Variants in UBXN6 observed in about 807,000 individuals in gnomAD.
UBXN6 encodes the protein UBX domain-containing protein 6.
A neutral mutation model predicts 51.4 loss-of-function variants in UBXN6; 44 were observed. That is an observed-to-expected ratio of 0.86 (90% confidence interval 0.67 to 1.10). UBXN6 has a LOEUF of 1.10. UBXN6 is among the 50% of genes least tolerant of loss of function. The pLI, the probability that UBXN6 is intolerant of heterozygous loss-of-function variation, is 0.00. For synonymous variants in UBXN6, 316 were observed against 263.2 expected (o/e 1.20, Z -1.94); for missense variants, 672 against 596.1 (o/e 1.13, Z -1.32).
chr19:4,453,226 T>C lies in UBXN6; in HGVS notation c.312+232A>G, dbSNP rs566680639. The stretch of plus-strand genomic sequence containing the variant: ...TTAAGGGGTTAAGGGGAGGGAGCGA[T>C]GGGCTCGTGTACCTGAGGCCCACTT... On this transcript the variant is annotated intron_variant, in intron 3 of 10. Transcript: ENST00000301281. 6.3e-4 allele frequency among the ~76,000 whole-genome samples: 96 copies of C among 152,298 alleles called. 2 individuals are homozygous for C. In the South Asian group the frequency reaches 0.01, roughly 16 times the overall value.
chr19:4,454,084 G>C lies in UBXN6; in HGVS notation c.93C>G (p.Ala31=). ...QKLKESVGEK[A]HKEKPNQPAP... ...CTGGCTGGTTGGGCTTCTCTTTGTG[G>C]GCCTTTTCCCTGGGAACAGACCGAG... Residue 31 remains alanine, a synonymous_variant, in exon 2 of 11, where the codon GCC becomes GCG. Coordinates refer to ENST00000301281, the MANE Select transcript of UBXN6 (RefSeq NM_025241.3). 6.4e-7 allele frequency: 1 copy of C among 1,558,538 alleles called. No homozygotes were observed. The highest frequency in any genetic ancestry group is 8.6e-7 in the Non-Finnish European group (1 of 1,156,884).
chr19:4,456,605 TC>T (rs2145191441), intron 1 of UBXN6, among the ~76,000 whole-genome samples: 1 of 152,074 alleles, frequency 6.6e-6, no homozygotes, highest in Non-Finnish European at 1.5e-5. Flanking sequence ...CCTTGCACCT[TC>T]CCTAGCTCCA....
At chr19:4,447,472 T>G in intron 6 of UBXN6, 78 bp downstream of exon 6, 1 of 1,510,262 alleles carries the variant, frequency 6.6e-7, no homozygotes. Context: ...CACCGCCTGG[T>G]GTGGGCCACC....
chr19:4,450,383 C>T (rs1974630438), intron 4 of UBXN6: 1 of 152,130 alleles, frequency 6.6e-6, no homozygotes, highest in Non-Finnish European at 1.5e-5. Flanking sequence ...AGCAAAGTGA[C>T]CATAAGCAGA....
chr19:4,452,535 C>T, intron 3 of UBXN6, 43 bp from the exon 4 acceptor site: 2 of 1,584,374 alleles, frequency 1.3e-6, no homozygotes, highest in South Asian at 1.1e-5. Flanking sequence ...TGGACAGAGG[C>T]CACCCCGACC....
chr19:4,448,425 G>A lies in UBXN6; in HGVS notation c.442-10C>T, dbSNP rs776766795. 1.3e-6 allele frequency: 2 copies of A among 1,597,148 alleles called. No individual in the cohort carries two copies. Among genetic ancestry groups the A allele is most frequent in the South Asian group, 2.3e-5 (2 of 88,642 alleles). ...GGTCGGTGGAGAAGTGCTGGGAGGAGGGAAGCAGGGAAAGCCACTCACTGA... is the reference window on the plus strand; with the variant it reads ...GGTCGGTGGAGAAGTGCTGGGAGGAAGGAAGCAGGGAAAGCCACTCACTGA... On this transcript the variant is annotated splice_polypyrimidine_tract_variant and intron_variant, in intron 4 of 10. Coordinates refer to ENST00000301281, the MANE Select transcript of UBXN6 (RefSeq NM_025241.3).
intron 1 of UBXN6, among the ~76,000 whole-genome samples, chr19:4,454,611 C>A (rs1974712964): frequency 6.6e-6 from 1 of 152,130 alleles, no homozygotes; most frequent in South Asian, 2.1e-4. Flanking sequence ...GAGACAGGGT[C>A]TCGCTATGTA....
intron 7 of UBXN6, 21 bp from the exon 8 acceptor site, chr19:4,446,740 G>A: frequency 6.2e-7 from 1 of 1,609,722 alleles, no homozygotes; most frequent in Non-Finnish European, 8.5e-7. Flanking sequence ...GCAGGACATG[G>A]GTGTCACTGT....
rs1257046281 is a variant in UBXN6, at chr19:4,457,759, G to A, written c.-62C>T. On this transcript the variant is annotated 5_prime_UTR_variant, in exon 1 of 11. Transcript: ENST00000301281. Reference sequence around the variant, plus strand: ...CGGGGGGGCACGGGGCCCAGTCGGGGACGGGGCCGCCGGAGACCAGCCACC... The same window carrying A: ...CGGGGGGGCACGGGGCCCAGTCGGGAACGGGGCCGCCGGAGACCAGCCACC... 1 of 1,012,872 alleles carries A rather than the reference G, an allele frequency of 9.9e-7. No homozygotes were observed. Among genetic ancestry groups the A allele is most frequent in the Non-Finnish European group, 1.3e-6 (1 of 755,972 alleles). 62.7% of individuals were successfully genotyped at this position (1,012,872 alleles called of 1,614,324 possible). A position where few individuals can be genotyped will look rare whatever the true frequency, so the allele number is the denominator to read the frequency against.
intron 4 of UBXN6, chr19:4,449,719 A>G (rs1265078865): frequency 6.6e-6 from 1 of 152,328 alleles, no homozygotes; most frequent in African/African-American, 2.4e-5. Flanking sequence ...AAGGGGTCCA[A>G]ATCCATACAG....
rs767847248 is a variant in UBXN6 at position 4,446,154 on chromosome 19, G to A, written c.1095C>T (p.Phe365=). ...ARERLGAVYG[F]VREALQSDWL... ...AGTCGCTCTGCAGGGCCTCCCGGAC[G>A]AACCCGTACACCGCCCCCAGCCGCT... Residue 365 remains phenylalanine, a synonymous_variant, in exon 10 of 11, where the codon TTC becomes TTT. Transcript: ENST00000301281. The A allele has an allele frequency of 3.7e-5, 59 of 1,610,508 alleles. No homozygotes were observed. The highest frequency in any genetic ancestry group is 4.7e-5 in the Non-Finnish European group (56 of 1,179,646).
At chr19:4,456,302 A>C (rs1974738812) in intron 1 of UBXN6, among the ~76,000 whole-genome samples, 1 of 96,912 alleles carries the variant, frequency 1.0e-5, no homozygotes, top group African/African-American at 4.2e-5. Flanking sequence ...TCCCTCACTC[A>C]GCCTTTGCTC....
At chr19:4,448,532 AGCTGTGC>A in intron 4 of UBXN6, 117 bp from the exon 5 acceptor site, 2 of 798,420 alleles carry the variant, frequency 2.5e-6, no homozygotes, top group East Asian at 5.3e-5. Context: ...GAGCGGCCCC[AGCTGTGC>A]GCTCATCACA....
chr19:4,452,503 G>A lies in UBXN6; in HGVS notation c.313-11C>T, dbSNP rs757238267. The A allele has an allele frequency of 1.7e-5, 27 of 1,607,726 alleles. No homozygotes were observed. The South Asian group carries it at 2.9e-4, about 17-fold the overall frequency. ...TCTGGGCTCAGATACCTGGGGCGGT[G>A]AAAGCGTCCAAGTCTGGACCGTGGA... On this transcript the variant is annotated splice_polypyrimidine_tract_variant and intron_variant, in intron 3 of 10. Transcript: ENST00000301281.
intron 5 of UBXN6, 63 bp downstream of exon 5, chr19:4,448,255 C>T (rs1041641237): frequency 2.8e-6 from 4 of 1,445,100 alleles, no homozygotes; most frequent in Non-Finnish European, 1.9e-6. Flanking sequence ...GTGACAGCCC[C>T]AGTGGGAGGG....
intron 10 of UBXN6, 163 bp downstream of exon 10, chr19:4,445,886 G>T: frequency 8.2e-7 from 1 of 1,223,444 alleles, no homozygotes; most frequent in Non-Finnish European, 1.1e-6. Flanking sequence ...ACTTGCTCGA[G>T]GCCCTGCTGC....
intron 6 of UBXN6, 34 bp from the exon 7 acceptor site, chr19:4,446,954 T>G: frequency 4.4e-6 from 7 of 1,593,810 alleles, no homozygotes; most frequent in Non-Finnish European, 6.0e-6. Flanking sequence ...TGGGGGCCCC[T>G]GGCTTCCTCC....
At chr19:4,456,362 A>T (rs1264061769) in intron 1 of UBXN6, among the ~76,000 whole-genome samples, 1 of 108,732 alleles carries the variant, frequency 9.2e-6, no homozygotes. Context: ...CCCTACCTCC[A>T]TCACCACCCC....
Position 4,453,958 on chromosome 19 carries a change from G to A in UBXN6, c.219C>T (p.Pro73=), listed in dbSNP as rs1022862644. 20 of 1,610,886 alleles carry A rather than the reference G, an allele frequency of 1.2e-5. No individual in the cohort carries two copies. The highest frequency in any genetic ancestry group is 1.7e-5 in the Non-Finnish European group (20 of 1,179,814). The change falls in exon 2 of 11, where the codon CCC becomes CCT. Residue 73 remains proline, a synonymous_variant. Transcript: ENST00000301281. ...LEQKQSRAWG[P]TSQDTIRNQV... is the part of the protein sequence containing the mutation. ...GGTTTCGGATGGTGTCCTGCGATGT[G>A]GGGCCCCAGGCCCGGGACTGCTTCT... is the stretch of plus-strand genomic sequence containing the variant.
Sources: gnomAD v4.1 joint callset for allele counts (sites outside exome capture counted in the v4.1 genomes callset) on GRCh38, gnomAD v4.1.1 for gene constraint, MANE v1.5 for transcripts, NCBI Gene and HGNC (gene_info 2026-07-23, HGNC 2026-07-21) for gene names.